Variants in STARD13 observed in about 807,000 individuals in gnomAD.
The protein encoded by STARD13 is stAR-related lipid transfer protein 13.
STARD13 carries 62 observed loss-of-function variants against 106.4 expected under a neutral mutation model. That is an observed-to-expected ratio of 0.58 (90% confidence interval 0.48 to 0.72). STARD13 has a LOEUF of 0.72. STARD13 is among the 30% of genes least tolerant of loss of function. The pLI is 0.00. For synonymous variants in STARD13, 565 were observed against 553.0 expected, an observed-to-expected ratio of 1.02 and a Z score of -0.31; for missense variants, 1,387 against 1,424.0, an observed-to-expected ratio of 0.97 and a Z score of 0.42.
At chr13:33,430,436 G>C in the STARD13 span, among the ~76,000 whole-genome samples, 1 of 152,128 alleles carries the variant, frequency 6.6e-6, no homozygotes, top group Non-Finnish European at 1.5e-5. Flanking sequence ...AACAGATGCT[G>C]GCAAGGATGT....
intron 3 of STARD13, among the ~76,000 whole-genome samples, chr13:33,148,182 C>T (rs969841493): frequency 2.5e-4 from 38 of 152,080 alleles, no homozygotes; most frequent in Non-Finnish European, 4.4e-4. Flanking sequence ...GATTCAACAC[C>T]ACAGGCCTGG....
intron 1 of STARD13, chr13:33,279,703 T>G (rs976042811): frequency 6.6e-6 from 1 of 152,226 alleles, no homozygotes; most frequent in African/African-American, 2.4e-5. Flanking sequence ...TACAATTTGG[T>G]TAAAGTTAAA....
chr13:33,124,607 G>A (rs1161824344), intron 7 of STARD13, among the ~76,000 whole-genome samples: 1 of 152,136 alleles, frequency 6.6e-6, no homozygotes, highest in East Asian at 1.9e-4. Context: ...CCCACTAACA[G>A]CAATGATATT....
intron 1 of STARD13, among the ~76,000 whole-genome samples, chr13:33,222,224 A>G (rs1457287104): frequency 2.6e-5 from 4 of 152,178 alleles, no homozygotes; most frequent in Non-Finnish European, 4.4e-5. Context: ...GAAAAATACC[A>G]GTCACAGGAA....
At chr13:33,566,820 A>G in the STARD13 span, among the ~76,000 whole-genome samples, 2,045 of 148,056 alleles carry the variant, frequency 0.014, 188 homozygotes, top group African/African-American at 0.047. Context: ...TCTAAATTCC[A>G]TCCTTCCATA....
At chr13:33,316,483 T>C (rs1893344256) in intron 1 of STARD13, among the ~76,000 whole-genome samples, 3 of 152,230 alleles carry the variant, frequency 2.0e-5, no homozygotes, top group Non-Finnish European at 4.4e-5. Context: ...TGTCCCAGGA[T>C]AGGTTATTCG....
intron 1 of STARD13, among the ~76,000 whole-genome samples, chr13:33,194,690 A>G (rs1886490853): frequency 6.6e-6 from 1 of 152,218 alleles, no homozygotes; most frequent in African/African-American, 2.4e-5. Flanking sequence ...AGCAGTGAAG[A>G]ATTGGGAGGA....
chr13:33,416,211 A>T, the STARD13 span, among the ~76,000 whole-genome samples: 1 of 152,248 alleles, frequency 6.6e-6, no homozygotes, highest in Non-Finnish European at 1.5e-5. Context: ...TGGGAAAATT[A>T]AAAAGAAAAG....
chr13:33,370,433 G>T, the STARD13 span, among the ~76,000 whole-genome samples: 1 of 152,118 alleles, frequency 6.6e-6, no homozygotes, highest in Non-Finnish European at 1.5e-5. Flanking sequence ...TTCAGAAGAA[G>T]AAATACACGT....
the STARD13 span, among the ~76,000 whole-genome samples, chr13:33,544,220 AG>A: frequency 6.6e-6 from 1 of 152,146 alleles, no homozygotes; most frequent in Admixed American, 6.5e-5. Flanking sequence ...CATTTCCTCA[AG>A]TTCCCTTGTT....
At chr13:33,591,357 C>G in the STARD13 span, among the ~76,000 whole-genome samples, 3 of 152,166 alleles carry the variant, frequency 2.0e-5, no homozygotes, top group African/African-American at 7.2e-5. Flanking sequence ...AACTCATTTT[C>G]AGTAAAAAAT....
the STARD13 span, among the ~76,000 whole-genome samples, chr13:33,466,497 A>G: frequency 8.2e-3 from 1,250 of 152,306 alleles, 14 homozygotes; most frequent in African/African-American, 0.029. Flanking sequence ...TATTTGATGG[A>G]CGTATAGTTC....
the STARD13 span, among the ~76,000 whole-genome samples, chr13:33,592,538 TA>T: frequency 2.6e-5 from 4 of 152,150 alleles, no homozygotes; most frequent in Non-Finnish European, 5.9e-5. Context: ...ATCAGATATA[TA>T]GTTGTGATCC....
At chr13:33,182,805 C>T (rs1451082639) in intron 1 of STARD13, among the ~76,000 whole-genome samples, 2 of 152,184 alleles carry the variant, frequency 1.3e-5, no homozygotes, top group Non-Finnish European at 2.9e-5. Context: ...GAATCTCTAA[C>T]GTGAAACTAT....
intron 1 of STARD13, among the ~76,000 whole-genome samples, chr13:33,234,009 G>A (rs781079247): frequency 1.3e-5 from 2 of 152,232 alleles, no homozygotes; most frequent in Non-Finnish European, 1.5e-5. Context: ...TGCATCAAAT[G>A]CACCAGGCCC....
the STARD13 span, among the ~76,000 whole-genome samples, chr13:33,514,584 G>A: frequency 2.0e-5 from 3 of 152,108 alleles, no homozygotes; most frequent in Admixed American, 6.6e-5. Flanking sequence ...TGCCACAATG[G>A]AGGCTGGAGG....
chr13:33,466,586 A>G, the STARD13 span, among the ~76,000 whole-genome samples: 26 of 152,312 alleles, frequency 1.7e-4, no homozygotes, highest in East Asian at 5.0e-3. Context: ...TACATCCTCA[A>G]TATTACACCC....
At chr13:33,663,734 G>C in the STARD13 span, among the ~76,000 whole-genome samples, 1 of 152,206 alleles carries the variant, frequency 6.6e-6, no homozygotes, top group African/African-American at 2.4e-5. Flanking sequence ...TAGACACTGA[G>C]TGGTCAAGTG....
At position 33,350,216 on chromosome 13, in the gene STARD13, C is replaced by G. The variant is rs1265856886; in HGVS notation, c.124+74G>C. Reference sequence around the variant, plus strand: ...CCCTGGAGCCCAGAGCAGAGGAGGGCGGCGGGCCCGGGCGGGCTACGGGGC... The same window carrying G: ...CCCTGGAGCCCAGAGCAGAGGAGGGGGGCGGGCCCGGGCGGGCTACGGGGC... On this transcript the variant is annotated intron_variant, in intron 1 of 1. Coordinates refer to the STARD13 transcript ENST00000439831. 2.1e-6 allele frequency: 3 copies of G among 1,444,688 alleles called. No homozygotes were observed. The African/African-American group carries it at 4.5e-5, about 21-fold the overall frequency. 89.5% of individuals were successfully genotyped at this position (1,444,688 alleles called of 1,614,324 possible). A position where few individuals can be genotyped will look rare whatever the true frequency, so the allele number is the denominator to read the frequency against.
Sources: gnomAD v4.1 joint callset for allele counts (sites outside exome capture counted in the v4.1 genomes callset) on GRCh38, gnomAD v4.1.1 for gene constraint, MANE v1.5 for transcripts, NCBI Gene and HGNC (gene_info 2026-07-23, HGNC 2026-07-21) for gene names.